Variants in PTPRK observed in about 807,000 individuals in gnomAD.
The protein encoded by PTPRK is protein tyrosine phosphatase receptor type K.
In PTPRK, 75 loss-of-function variants were observed where a neutral mutation model predicts 178.0. The observed-to-expected ratio is 0.42, with a 90% CI of 0.35 to 0.51. The LOEUF (loss-of-function observed/expected upper bound fraction) is 0.51. Ranked by LOEUF, PTPRK falls within the 20% of genes least tolerant of loss-of-function variation. PTPRK has a pLI of 0.02. For missense variants in PTPRK, 1,441 were observed against 1,797.8 expected, an observed-to-expected ratio of 0.80 and a Z score of 3.59; for synonymous variants, 637 against 620.6, an observed-to-expected ratio of 1.03 and a Z score of -0.39.
chr6:128,201,883 A>T (rs1158018781), intron 6 of PTPRK, among the ~76,000 whole-genome samples: 1 of 152,172 alleles, frequency 6.6e-6, no homozygotes, highest in African/African-American at 2.4e-5. Context: ...AGTAAGAATC[A>T]TTGAAATTTA....
intron 7 of PTPRK, among the ~76,000 whole-genome samples, chr6:128,108,191 C>T (rs1030549029): frequency 4.6e-5 from 7 of 151,582 alleles, no homozygotes; most frequent in African/African-American, 1.7e-4. Context: ...TTTGTATTGA[C>T]TTTTTAAAAA....
chr6:128,299,957 T>G (rs1825278156), intron 3 of PTPRK, among the ~76,000 whole-genome samples: 1 of 151,738 alleles, frequency 6.6e-6, no homozygotes, highest in African/African-American at 2.4e-5. Flanking sequence ...GGGAGAAAAT[T>G]TTCGCAACCT....
In PTPRK at chr6:128,052,314, T is replaced by C. The variant is rs151238675; in HGVS notation, c.2194+12444A>G. On this transcript the variant is annotated intron_variant, in intron 13 of 29. Coordinates refer to ENST00000368226, the MANE Select transcript of PTPRK (RefSeq NM_002844.4). ...AAAATGACGTTCAAACTTAAGAAAA[T>C]TAACTACTGTCTAAACTTCAGATCC... is the stretch of plus-strand genomic sequence containing the variant. Among the ~76,000 whole-genome samples the C allele has an allele frequency of 3.2e-3, 493 of 152,268 alleles. 2 individuals carry two copies. Among genetic ancestry groups the C allele is most frequent in the African/African-American group, 0.011 (470 of 41,550 alleles).
chr6:128,192,978 T>C (rs986765959), intron 6 of PTPRK, among the ~76,000 whole-genome samples: 1 of 151,480 alleles, frequency 6.6e-6, no homozygotes, highest in African/African-American at 2.4e-5. Flanking sequence ...ACTACGTAAA[T>C]TCTACCTAGT....
intron 6 of PTPRK, among the ~76,000 whole-genome samples, chr6:128,215,125 A>G (rs1809019121): frequency 1.3e-5 from 2 of 150,902 alleles, no homozygotes; most frequent in African/African-American, 2.5e-5. Context: ...CTGTAGTTTC[A>G]CAGGTAAAAA....
chr6:128,186,631 A>G (rs548081492), intron 6 of PTPRK, among the ~76,000 whole-genome samples: 73 of 152,152 alleles, frequency 4.8e-4, no homozygotes, highest in Non-Finnish European at 8.2e-4. Flanking sequence ...ACAAAAGAAA[A>G]AAGTTTGAAT....
intron 2 of PTPRK, among the ~76,000 whole-genome samples, chr6:128,322,581 G>A (rs755915310): frequency 2.2e-4 from 34 of 151,574 alleles, no homozygotes; most frequent in Non-Finnish European, 4.1e-4. Context: ...AGGAAATTGA[G>A]GCACAATTAG....
intron 7 of PTPRK, among the ~76,000 whole-genome samples, chr6:128,120,347 A>G (rs1347753042): frequency 6.6e-6 from 1 of 151,988 alleles, no homozygotes; most frequent in African/African-American, 2.4e-5. Context: ...TCACCTCAGA[A>G]ACTTCTGAAT....
At chr6:128,325,882 C>T (rs1030478065) in intron 2 of PTPRK, among the ~76,000 whole-genome samples, 1 of 152,078 alleles carries the variant, frequency 6.6e-6, no homozygotes, top group African/African-American at 2.4e-5. Flanking sequence ...ATGTTTACTG[C>T]AGCACTATTC....
chr6:128,394,875 C>T (rs919708720), intron 2 of PTPRK, among the ~76,000 whole-genome samples: 1 of 152,128 alleles, frequency 6.6e-6, no homozygotes, highest in Non-Finnish European at 1.5e-5. Flanking sequence ...TCACTCTTGG[C>T]TTTCAGTCCA....
intron 13 of PTPRK, among the ~76,000 whole-genome samples, chr6:128,044,900 G>C (rs1333639140): frequency 6.6e-6 from 1 of 151,938 alleles, no homozygotes; most frequent in African/African-American, 2.4e-5. Flanking sequence ...TCCTTGAAGT[G>C]ATATGTCTTG....
chr6:128,494,520 C>T (rs1431685003), intron 1 of PTPRK, among the ~76,000 whole-genome samples: 1 of 152,048 alleles, frequency 6.6e-6, no homozygotes, highest in Non-Finnish European at 1.5e-5. Context: ...CTGGAGTACT[C>T]AGCGGGAGCA....
At chr6:128,286,731 G>C (rs562787230) in intron 3 of PTPRK, among the ~76,000 whole-genome samples, 1 of 152,246 alleles carries the variant, frequency 6.6e-6, no homozygotes, top group East Asian at 1.9e-4. Flanking sequence ...TTCCTTTAAA[G>C]AATATCAAGC....
intron 3 of PTPRK, among the ~76,000 whole-genome samples, chr6:128,307,160 A>ATATAT (rs1050180445): frequency 1.6e-3 from 221 of 142,376 alleles, no homozygotes; most frequent in African/African-American, 5.6e-3. Flanking sequence ...AAGAAAAAAA[A>ATATAT]ATATATATAT....
intron 6 of PTPRK, among the ~76,000 whole-genome samples, chr6:128,192,423 C>A (rs544983617): frequency 6.6e-6 from 1 of 152,184 alleles, no homozygotes; most frequent in South Asian, 2.1e-4. Context: ...ATTACATTCC[C>A]AGTGTTTCTT....
At chr6:128,008,133 G>A in intron 14 of PTPRK, 1 of 1,162,024 alleles carries the variant, frequency 8.6e-7, no homozygotes, top group Non-Finnish European at 1.2e-6. Flanking sequence ...AATAAACTCT[G>A]ATGGAATCAT....
chr6:128,185,972 A>G (rs1583383814), intron 6 of PTPRK, among the ~76,000 whole-genome samples: 2 of 152,160 alleles, frequency 1.3e-5, no homozygotes, highest in African/African-American at 4.8e-5. Flanking sequence ...CTGATTGTAT[A>G]AAAGTATAGT....
intron 13 of PTPRK, among the ~76,000 whole-genome samples, chr6:128,056,245 A>G (rs1779870825): frequency 6.6e-6 from 1 of 151,848 alleles, no homozygotes; most frequent in Non-Finnish European, 1.5e-5. Context: ...AGTCAATGAG[A>G]AGGGCCTAAG....
Position 128,089,961 on chromosome 6 carries a change from A to C in PTPRK, c.1194T>G (p.Ile398Met). The C allele has an allele frequency of 2.5e-6, 4 of 1,610,330 alleles. No individual in the cohort carries two copies. The highest frequency in any genetic ancestry group is 3.4e-6 in the Non-Finnish European group (4 of 1,176,584). ...EPMRTPKTLK[I>M]AEIQARRIAV... ...CAATCCGTCTTGCCTGTATTTCAGCAATCTTTAATGTCTTTGGGGTTCTCA... is the reference window on the plus strand; with the variant it reads ...CAATCCGTCTTGCCTGTATTTCAGCCATCTTTAATGTCTTTGGGGTTCTCA... The change falls in exon 8 of 30, where the codon ATT becomes ATG. Residue 398 changes from isoleucine (I) to methionine (M), a missense_variant. Ile to Met is a conservative substitution (Grantham distance 10). Coordinates refer to ENST00000368226, the MANE Select transcript of PTPRK (RefSeq NM_002844.4).
Sources: gnomAD v4.1 joint callset for allele counts (sites outside exome capture counted in the v4.1 genomes callset) on GRCh38, gnomAD v4.1.1 for gene constraint, MANE v1.5 for transcripts, NCBI Gene and HGNC (gene_info 2026-07-23, HGNC 2026-07-21) for gene names.